Variants in CEP63 observed in about 807,000 individuals in gnomAD.
CEP63 encodes centrosomal protein 63, also known as centrosomal protein of 63 kDa.
Under a neutral mutation model 89.1 loss-of-function variants are expected in CEP63, and 84 were observed. That is an observed-to-expected ratio of 0.94 (90% CI 0.79 to 1.13). The LOEUF is 1.13. Ranked by LOEUF, CEP63 falls within the 50% of genes most tolerant of loss-of-function variation. The pLI is 0.00. For synonymous variants in CEP63, 267 were observed against 272.5 expected, an observed-to-expected ratio of 0.98 and a Z score of 0.20; for missense variants, 838 against 813.3, an observed-to-expected ratio of 1.03 and a Z score of -0.37.
At chr3:134,627,894 G>A in the CEP63 span, 1 of 1,177,776 alleles carries the variant, frequency 8.5e-7, no homozygotes, top group Non-Finnish European at 1.3e-6. Context: ...CTCACCTTCT[G>A]GTGGTCCTTG....
At chr3:134,557,179 A>G (rs1279166000) in intron 12 of CEP63, among the ~76,000 whole-genome samples, 1 of 152,100 alleles carries the variant, frequency 6.6e-6, no homozygotes, top group Non-Finnish European at 1.5e-5. Context: ...AACCGATAAT[A>G]GTTTCATTTT....
the CEP63 span, among the ~76,000 whole-genome samples, chr3:134,637,091 A>C: frequency 2.0e-5 from 3 of 152,264 alleles, no homozygotes; most frequent in Non-Finnish European, 4.4e-5. Flanking sequence ...GAAAAGATAC[A>C]ATGTGGCCTC....
chr3:134,548,232 G>C (rs1243710179), intron 9 of CEP63, among the ~76,000 whole-genome samples: 1 of 152,154 alleles, frequency 6.6e-6, no homozygotes, highest in Non-Finnish European at 1.5e-5. Context: ...CAAAAGAGTT[G>C]TCTATACTGA....
the CEP63 span, among the ~76,000 whole-genome samples, chr3:134,754,859 C>T: frequency 6.6e-6 from 1 of 152,146 alleles, no homozygotes; most frequent in Non-Finnish European, 1.5e-5. Flanking sequence ...CTCCTTCCCC[C>T]TAGCCCAATG....
rs532180068 is a variant in CEP63 at position 134,539,977 on chromosome 3, C to T, written c.555+2709C>T. On this transcript the variant is annotated intron_variant, in intron 6 of 14. Coordinates refer to ENST00000675561, the MANE Select transcript of CEP63 (RefSeq NM_001353108.3). ...GTATGCTTACATACAGTGTGCAGTA[C>T]ATTCATGTACTTTTGATAGGAAAAA... is the stretch of plus-strand genomic sequence containing the variant. Among the ~76,000 whole-genome samples, 4 of 152,140 alleles carry T rather than the reference C, an allele frequency of 2.6e-5. No individual in the cohort carries two copies. The South Asian group carries it at 8.3e-4, about 32-fold the overall frequency.
the CEP63 span, among the ~76,000 whole-genome samples, chr3:134,646,778 G>C: frequency 6.6e-6 from 1 of 152,290 alleles, no homozygotes; most frequent in South Asian, 2.1e-4. Context: ...TCTGGGAGTA[G>C]AGGTTTGGTC....
the CEP63 span, among the ~76,000 whole-genome samples, chr3:134,772,273 G>A: frequency 7.3e-5 from 3 of 41,204 alleles, no homozygotes; most frequent in African/African-American, 1.8e-4. Flanking sequence ...CAGACACCCC[G>A]TGCAGCTGTG....
chr3:134,663,446 G>C, the CEP63 span, among the ~76,000 whole-genome samples: 1 of 152,220 alleles, frequency 6.6e-6, no homozygotes, highest in Non-Finnish European at 1.5e-5. Context: ...TGTGGAGTAA[G>C]GATAAGGCAG....
the CEP63 span, among the ~76,000 whole-genome samples, chr3:134,719,983 A>G: frequency 6.6e-6 from 1 of 152,184 alleles, no homozygotes; most frequent in East Asian, 1.9e-4. Flanking sequence ...TCTTGGGTAT[A>G]TACCTAGGAG....
chr3:134,629,497 A>G, the CEP63 span: 1 of 688,316 alleles, frequency 1.5e-6, no homozygotes, highest in Non-Finnish European at 2.6e-6. Flanking sequence ...GCCTTTTCCC[A>G]GTTTGCAGGC....
the CEP63 span, among the ~76,000 whole-genome samples, chr3:134,733,415 C>G: frequency 1.3e-5 from 2 of 150,456 alleles, no homozygotes; most frequent in Non-Finnish European, 3.0e-5. Flanking sequence ...TCAAATTATT[C>G]AAATACATGC....
intron 2 of CEP63, among the ~76,000 whole-genome samples, chr3:134,496,106 G>A (rs1373557106): frequency 6.6e-6 from 1 of 152,134 alleles, no homozygotes; most frequent in Non-Finnish European, 1.5e-5. Context: ...TGTGCTTTCT[G>A]AATCATATGT....
chr3:134,518,595 A>G (rs1364115814), intron 3 of CEP63, among the ~76,000 whole-genome samples: 1 of 152,232 alleles, frequency 6.6e-6, no homozygotes, highest in South Asian at 2.1e-4. Context: ...CTGAATAATA[A>G]TGAATATGGT....
At chr3:134,702,791 G>A in the CEP63 span, among the ~76,000 whole-genome samples, 2 of 151,992 alleles carry the variant, frequency 1.3e-5, no homozygotes, top group Admixed American at 1.3e-4. Flanking sequence ...CAGTCAGAAT[G>A]GCCATTATCA....
In CEP63 at chr3:134,564,706, T is replaced by C. The variant is rs77186956; in HGVS notation, c.*3171T>C. The C allele has an allele frequency of 9.0e-4, 885 of 985,430 alleles. 5 individuals carry two copies. In the African/African-American group the frequency reaches 0.015, roughly 16 times the overall value. 61.0% of individuals were successfully genotyped at this position (985,430 alleles called of 1,614,324 possible). A position where few individuals can be genotyped will look rare whatever the true frequency, so the allele number is the denominator to read the frequency against. ...TTTGCAGTTTTAAGTACTGTACCTA[T>C]GTGCATTGCTGTTACATTCAGGAGA... On this transcript the variant is annotated 3_prime_UTR_variant, in exon 15 of 15. Coordinates refer to ENST00000675561, the MANE Select transcript of CEP63 (RefSeq NM_001353108.3).
At position 134,542,390 on chromosome 3, in the gene CEP63, G is replaced by A. The variant is rs142232338; in HGVS notation, c.556-3196G>A. 5.1e-3 allele frequency among the ~76,000 whole-genome samples: 775 copies of A among 152,260 alleles called. 1 individual carries two copies. Among genetic ancestry groups the A allele is most frequent in the Non-Finnish European group, 8.7e-3 (592 of 68,020 alleles). On this transcript the variant is annotated intron_variant, in intron 6 of 14. Transcript: ENST00000675561. ...TAGACCTACTGTTTAAAAGTTCGTAGTAGCATAGACACAACAGTGATAAGA... is the reference window on the plus strand; with the variant it reads ...TAGACCTACTGTTTAAAAGTTCGTAATAGCATAGACACAACAGTGATAAGA...
chr3:134,634,677 G>A, the CEP63 span, among the ~76,000 whole-genome samples: 3 of 152,304 alleles, frequency 2.0e-5, no homozygotes, highest in Non-Finnish European at 2.9e-5. Flanking sequence ...TGAACTGCAC[G>A]AGTCCACTCA....
chr3:134,745,550 A>ATTT, the CEP63 span, among the ~76,000 whole-genome samples: 2 of 152,156 alleles, frequency 1.3e-5, no homozygotes. Context: ...TATTATTATT[A>ATTT]TACTTTAAGT....
intron 6 of CEP63, among the ~76,000 whole-genome samples, chr3:134,537,962 A>G (rs546801402): frequency 6.6e-6 from 1 of 152,192 alleles, no homozygotes; most frequent in Non-Finnish European, 1.5e-5. Flanking sequence ...ACAGACACCT[A>G]CTTTAGGAAT....
Sources: gnomAD v4.1 joint callset for allele counts (sites outside exome capture counted in the v4.1 genomes callset) on GRCh38, gnomAD v4.1.1 for gene constraint, MANE v1.5 for transcripts, NCBI Gene and HGNC (gene_info 2026-07-23, HGNC 2026-07-21) for gene names.